Variants in ZC3H12D observed in about 807,000 individuals in gnomAD.
ZC3H12D encodes the protein probable ribonuclease ZC3H12D.
Under a neutral mutation model 24.2 loss-of-function variants are expected in ZC3H12D, and 11 were observed. The ratio of observed to expected loss-of-function variants is 0.46; its 90% CI spans 0.29 to 0.75. The LOEUF is 0.75. ZC3H12D is among the 30% of genes least tolerant of loss of function. The probability of loss-of-function intolerance (pLI) is 0.11; values close to 1 mark genes in which losing one functional copy is unlikely to be tolerated. For synonymous variants in ZC3H12D, 333 were observed against 341.8 expected (o/e 0.97, Z 0.28); for missense variants, 740 against 767.7 (o/e 0.96, Z 0.43).
chr6:149,470,921 G>A (rs1247633118), intron 2 of ZC3H12D, among the ~76,000 whole-genome samples: 1 of 152,198 alleles, frequency 6.6e-6, no homozygotes, highest in Non-Finnish European at 1.5e-5. Flanking sequence ...GAGTTGTGTT[G>A]GGCAGCCCTG....
At position 149,476,158 on chromosome 6, in the gene ZC3H12D, C is replaced by T. The variant is rs147216114; in HGVS notation, c.-70-1545G>A. 3.5e-3 allele frequency among the ~76,000 whole-genome samples: 530 copies of T among 151,860 alleles called. 3 individuals are homozygous for T. Among genetic ancestry groups the T allele is most frequent in the Admixed American group, 6.1e-3 (93 of 15,240 alleles). On this transcript the variant is annotated intron_variant, in intron 1 of 5. Coordinates refer to ENST00000409806, the MANE Select transcript of ZC3H12D (RefSeq NM_207360.3). ...TTAGAGTTGTTTTGGTTTAGTTTTA[C>T]ACAAATGGTGTCATCTTATACTTAT... is the stretch of plus-strand genomic sequence containing the variant.
At chr6:149,462,629 TG>T (rs1465807667) in intron 2 of ZC3H12D, among the ~76,000 whole-genome samples, 1 of 152,142 alleles carries the variant, frequency 6.6e-6, no homozygotes, top group African/African-American at 2.4e-5. Context: ...TTTGAGTCAG[TG>T]GACTGGGAGA....
chr6:149,458,236 G>T (rs1776018939), intron 3 of ZC3H12D, among the ~76,000 whole-genome samples: 1 of 143,714 alleles, frequency 7.0e-6, no homozygotes, highest in African/African-American at 2.6e-5. Flanking sequence ...TCAAGGCTCA[G>T]GTGATCCTCT....
At chr6:149,457,534 A>C (rs951693800) in intron 3 of ZC3H12D, among the ~76,000 whole-genome samples, 6 of 152,120 alleles carry the variant, frequency 3.9e-5, no homozygotes, top group African/African-American at 1.4e-4. Flanking sequence ...TGGGTACTTC[A>C]CCCCGGTTGA....
In ZC3H12D at chr6:149,474,679, C is replaced by T. The variant is rs963944058; in HGVS notation, c.-70-66G>A. ...CAGACTGGGGCAAGGGCAAGGTGTG[C>T]CTGCGCTGGCTCCCTCCCGGCCTAG... On this transcript the variant is annotated intron_variant, in intron 1 of 5. Transcript: ENST00000409806. 33 of 776,704 alleles carry T rather than the reference C, an allele frequency of 4.2e-5. No homozygotes were observed. The African/African-American group carries it at 5.3e-4, about 12-fold the overall frequency. The allele number at this position is 776,704 out of a possible 1,614,324, so 48.1% of individuals were successfully genotyped here.
Position 149,461,836 on chromosome 6 carries a change from A to T in ZC3H12D, c.440T>A (p.Ile147Asn). The T allele has an allele frequency of 6.4e-7, 1 of 1,559,542 alleles. No individual in the cohort carries two copies. Among genetic ancestry groups the T allele is most frequent in the African/African-American group, 1.4e-5 (1 of 73,612 alleles). Residue 147 changes from isoleucine (I) to asparagine (N), a missense_variant, in exon 3 of 6, where the codon ATC becomes AAC. Transcript: ENST00000409806. Reference sequence around the variant, plus strand: ...ATACATCTGCTCCAGCATACCTCTGATAGGGGTGTCAGCTCTTGGTGGGTC... The same window carrying T: ...ATACATCTGCTCCAGCATACCTCTGTTAGGGGTGTCAGCTCTTGGTGGGTC... ...RKDPPRADTP[I>N]REQHVLAELE...
At chr6:149,480,035 C>T (rs1221682641) in intron 1 of ZC3H12D, among the ~76,000 whole-genome samples, 1 of 152,060 alleles carries the variant, frequency 6.6e-6, no homozygotes, top group African/African-American at 2.4e-5. Flanking sequence ...TTTCCATAAC[C>T]ACCCTCCCCT....
chr6:149,458,400 G>A (rs1776021447), intron 3 of ZC3H12D, among the ~76,000 whole-genome samples: 1 of 152,040 alleles, frequency 6.6e-6, no homozygotes, highest in South Asian at 2.1e-4. Flanking sequence ...CTCCCAAAGT[G>A]CTGGGATTAC....
chr6:149,454,485 C>T (rs1054792480), intron 4 of ZC3H12D, among the ~76,000 whole-genome samples: 1 of 152,226 alleles, frequency 6.6e-6, no homozygotes, highest in Admixed American at 6.5e-5. Context: ...GCTGCACAGC[C>T]GGCTTCTCAG....
chr6:149,457,600 T>C (rs1776004536), intron 3 of ZC3H12D, among the ~76,000 whole-genome samples: 1 of 152,230 alleles, frequency 6.6e-6, no homozygotes, highest in Non-Finnish European at 1.5e-5. Context: ...CCTCTTCCTG[T>C]CTCAGAGTGT....
rs1775974778 is a variant in ZC3H12D at position 149,456,023 on chromosome 6, G to C, written c.680+643C>G. Among the ~76,000 whole-genome samples, 1 of 151,978 alleles carries C rather than the reference G, an allele frequency of 6.6e-6. No individual in the cohort carries two copies. The highest frequency in any genetic ancestry group is 1.5e-5 in the Non-Finnish European group (1 of 68,014). ...AATCCCAGCACTTTGGGAAGCCGAGGTGGACAGATCACAAGGTCAGGAGAT... is the reference window on the plus strand; with the variant it reads ...AATCCCAGCACTTTGGGAAGCCGAGCTGGACAGATCACAAGGTCAGGAGAT... On this transcript the variant is annotated intron_variant, in intron 4 of 5. Coordinates refer to ENST00000409806, the MANE Select transcript of ZC3H12D (RefSeq NM_207360.3). This position sits in a 1 kb window ranked among gnomAD's most constrained non-coding sequence, Gnocchi z 4.3.
chr6:149,460,782 A>T (rs1463077139), intron 3 of ZC3H12D, among the ~76,000 whole-genome samples: 1 of 151,650 alleles, frequency 6.6e-6, no homozygotes, highest in Non-Finnish European at 1.5e-5. Flanking sequence ...GTGAGCTGAG[A>T]TTGTGCCGTT....
rs746269512 is a variant in ZC3H12D, at chr6:149,450,917, G to A, written c.1350C>T (p.Ser450=). Residue 450 remains serine (S), a synonymous_variant, in exon 6 of 6, where the codon TCC becomes TCT. Coordinates refer to ENST00000409806, the MANE Select transcript of ZC3H12D (RefSeq NM_207360.3). ...PPRSDRFPGR[S]VWAEPAWGDG... ...CGCCCCAGGCCGGCTCCGCCCAGAC[G>A]GAGCGCCCAGGGAAGCGGTCGGAGC... 7.1e-6 allele frequency: 11 copies of A among 1,539,920 alleles called. No individual in the cohort carries two copies. The highest frequency in any genetic ancestry group is 7.9e-6 in the Non-Finnish European group (9 of 1,145,956).
chr6:149,483,366 C>T (rs1776454141), intron 1 of ZC3H12D, among the ~76,000 whole-genome samples: 1 of 152,054 alleles, frequency 6.6e-6, no homozygotes, highest in South Asian at 2.1e-4. Flanking sequence ...CTGTAACTAT[C>T]TTAAGGGTAC....
At chr6:149,481,901 G>C (rs189387933) in intron 1 of ZC3H12D, among the ~76,000 whole-genome samples, 2 of 152,318 alleles carry the variant, frequency 1.3e-5, no homozygotes, top group East Asian at 1.9e-4. Context: ...ACTTCTCTTC[G>C]GTTACCAAGG....
chr6:149,450,772 C>T lies in ZC3H12D; in HGVS notation c.1495G>A (p.Ala499Thr), dbSNP rs760447766. The change falls in exon 6 of 6, where the codon GCC becomes ACC. Residue 499 changes from alanine to threonine, a missense_variant. By Grantham distance (58) the Ala-to-Thr change is moderately conservative. Coordinates refer to ENST00000409806, the MANE Select transcript of ZC3H12D (RefSeq NM_207360.3). ...FPRDQVDRVM[A>T]AFPELSDLAR... ...AGGTCTGAGAGCTCCGGGAACGCGG[C>T]CATCACGCGGTCCACCTGGTCACGC... 3.5e-5 allele frequency: 54 copies of T among 1,549,150 alleles called. 1 individual carries two copies. Among genetic ancestry groups the T allele is most frequent in the Non-Finnish European group, 7.0e-6 (8 of 1,146,714 alleles).
chr6:149,452,839 C>T lies in ZC3H12D; in HGVS notation c.681-117G>A. On this transcript the variant is annotated intron_variant, in intron 4 of 5. Coordinates refer to ENST00000409806, the MANE Select transcript of ZC3H12D (RefSeq NM_207360.3). This position sits in a 1 kb window ranked among gnomAD's most constrained non-coding sequence, Gnocchi z 4.0. Reference sequence around the variant, plus strand: ...ACCAGGAAGCATTCGGCCCCGGGCCCACCATCACCCAGCAGGATGTCACAG... The same window carrying T: ...ACCAGGAAGCATTCGGCCCCGGGCCTACCATCACCCAGCAGGATGTCACAG... 1.2e-6 allele frequency: 1 copy of T among 836,326 alleles called. No individual in the cohort carries two copies. Among genetic ancestry groups the T allele is most frequent in the East Asian group, 2.7e-5 (1 of 37,464 alleles). The allele number at this position is 836,326 out of a possible 1,614,324, so 51.8% of individuals were successfully genotyped here.
At chr6:149,461,080 C>T (rs898129033) in intron 3 of ZC3H12D, among the ~76,000 whole-genome samples, 3 of 152,056 alleles carry the variant, frequency 2.0e-5, no homozygotes, top group Non-Finnish European at 4.4e-5. Context: ...AGGTGGCTCT[C>T]GCCTCTAATC....
intron 1 of ZC3H12D, among the ~76,000 whole-genome samples, chr6:149,482,344 T>G (rs1193810907): frequency 4.6e-5 from 7 of 152,350 alleles, no homozygotes; most frequent in African/African-American, 1.4e-4. Flanking sequence ...GCCAGCCGCG[T>G]CTCGTTTCCT....
Sources: gnomAD v4.1 joint callset for allele counts (sites outside exome capture counted in the v4.1 genomes callset) on GRCh38, gnomAD v4.1.1 for gene constraint, Gnocchi (gnomAD v3.1) non-coding constraint, MANE v1.5 for transcripts, NCBI Gene and HGNC (gene_info 2026-07-23, HGNC 2026-07-21) for gene names.